The following KLB variants were observed in gnomAD, a reference collection of about 807,000 sequenced individuals.
KLB encodes beta-klotho.
In KLB, 44 loss-of-function variants were observed where a neutral mutation model predicts 88.4. The observed-to-expected ratio is 0.50, with a 90% CI of 0.39 to 0.64. The LOEUF (loss-of-function observed/expected upper bound fraction) is 0.64, where lower values mean the gene tolerates loss of function less well. Among genes scored for constraint, KLB ranks in the 30% least tolerant of loss-of-function variants. KLB has a pLI of 0.00. For missense variants in KLB, 1,137 were observed against 1,304.8 expected (o/e 0.87, Z 1.98); for synonymous variants, 548 against 513.4 (o/e 1.07, Z -0.91).
chr4:39,425,732 A>G (rs892201277), intron 1 of KLB, among the ~76,000 whole-genome samples: 4 of 152,054 alleles, frequency 2.6e-5, no homozygotes, highest in African/African-American at 9.7e-5. Context: ...ATGAGCCACC[A>G]CATCTGGCCA....
rs1742759372 is a variant in KLB at position 39,407,615 on chromosome 4, C to T, written c.666C>T (p.Ala222=). 1 of 1,613,904 alleles carries T rather than the reference C, an allele frequency of 6.2e-7. No individual in the cohort carries two copies. The highest frequency in any genetic ancestry group is 8.5e-7 in the Non-Finnish European group (1 of 1,179,978). The part of the protein sequence containing the change: ...DTIIDIFNDY[A]TYCFQMFGDR... ...TAATAGATATCTTCAATGACTATGC[C>T]ACATACTGTTTCCAGATGTTTGGGG... Residue 222 remains alanine (A), a synonymous_variant, in exon 1 of 5, where the codon GCC becomes GCT. Coordinates refer to ENST00000257408, the MANE Select transcript of KLB (RefSeq NM_175737.4).
chr4:39,431,294 A>G (rs1267156951), intron 1 of KLB, among the ~76,000 whole-genome samples: 1 of 151,506 alleles, frequency 6.6e-6, no homozygotes, highest in Non-Finnish European at 1.5e-5. Flanking sequence ...CCTAGGCTGG[A>G]GTGCAATGTC....
At chr4:39,436,131 A>G (rs542251780) in intron 2 of KLB, among the ~76,000 whole-genome samples, 3 of 152,172 alleles carry the variant, frequency 2.0e-5, no homozygotes, top group Non-Finnish European at 4.4e-5. Context: ...TGAGGTTACG[A>G]TGGTTCTGTT....
Position 39,451,114 on chromosome 4 carries a change from G to T in KLB, c.*2428G>T, listed in dbSNP as rs534158697. ...TGAGAGTCCTCCTTCTCTGCCACTT[G>T]GGCATTATTTTACTAGTTTTTAAGC... On this transcript the variant is annotated 3_prime_UTR_variant, in exon 5 of 5. Coordinates refer to ENST00000257408, the MANE Select transcript of KLB (RefSeq NM_175737.4). The T allele has an allele frequency of 1.6e-3, 236 of 152,178 alleles. 2 individuals are homozygous for T. The highest frequency in any genetic ancestry group is 5.1e-3 in the African/African-American group (210 of 41,528). The allele number at this position is 152,178 out of a possible 1,614,324, so 9.4% of individuals were successfully genotyped here.
chr4:39,439,326 A>G (rs1322417614), intron 3 of KLB, among the ~76,000 whole-genome samples: 1 of 151,988 alleles, frequency 6.6e-6, no homozygotes, highest in African/African-American at 2.4e-5. Context: ...CTCATCTTAC[A>G]GGCAAGGCAA....
rs956679344 is a variant in KLB at position 39,429,939 on chromosome 4, T to C, written c.826-4271T>C. The stretch of plus-strand genomic sequence containing the variant: ...AGCCCAGAGCAAAGATAACCCTAGA[T>C]ACCTTGATAGCCTAGGCAAATAGCA... On this transcript the variant is annotated intron_variant, in intron 1 of 4. Transcript: ENST00000257408. Among the ~76,000 whole-genome samples, 4 of 152,276 alleles carry C rather than the reference T, an allele frequency of 2.6e-5. No individual in the cohort carries two copies. In the East Asian group the frequency reaches 7.7e-4, roughly 29 times the overall value.
chr4:39,416,412 C>T (rs1742965462), intron 1 of KLB, among the ~76,000 whole-genome samples: 2 of 151,996 alleles, frequency 1.3e-5, no homozygotes. Flanking sequence ...CTAAAAAAAA[C>T]TTTTTTTAAA....
At position 39,447,284 on chromosome 4, in the gene KLB, T is replaced by A. The variant is rs202129063; in HGVS notation, c.2558T>A (p.Ile853Asn). Reference protein sequence around the residue: ...SDRDIQFLQDITRLSSPTRLA... With the variant: ...SDRDIQFLQDNTRLSSPTRLA... ...AGGGACATCCAGTTTCTGCAGGACATCACCCGCCTGAGCTCCCCCACGCGC... is the reference window on the plus strand; with the variant it reads ...AGGGACATCCAGTTTCTGCAGGACAACACCCGCCTGAGCTCCCCCACGCGC... Residue 853 changes from isoleucine to asparagine, a missense_variant, in exon 4 of 5, where the codon ATC becomes AAC. By Grantham distance (149) the Ile-to-Asn change is moderately radical (BLOSUM62 -3). Transcript: ENST00000257408. 1 of 1,614,042 alleles carries A rather than the reference T, an allele frequency of 6.2e-7. No homozygotes were observed. Among genetic ancestry groups the A allele is most frequent in the African/African-American group, 1.3e-5 (1 of 75,046 alleles).
At chr4:39,431,307 G>A (rs987260879) in intron 1 of KLB, among the ~76,000 whole-genome samples, 7 of 151,162 alleles carry the variant, frequency 4.6e-5, no homozygotes, top group Admixed American at 2.0e-4. Context: ...GCAATGTCAC[G>A]ATCTCAGCTC....
chr4:39,420,109 G>A (rs573255212), intron 1 of KLB, among the ~76,000 whole-genome samples: 8 of 152,186 alleles, frequency 5.3e-5, no homozygotes, highest in African/African-American at 1.9e-4. Context: ...AGTAATTAAA[G>A]TAATCCTTGG....
intron 3 of KLB, chr4:39,441,529 C>T (rs1208310184): frequency 6.6e-6 from 1 of 152,132 alleles, no homozygotes; most frequent in Non-Finnish European, 1.5e-5. Context: ...GCCCCTTCTA[C>T]ATTTCAGAGC....
chr4:39,434,000 C>T lies in KLB; in HGVS notation c.826-210C>T, dbSNP rs149700552. On this transcript the variant is annotated intron_variant, in intron 1 of 4. Transcript: ENST00000257408. ...ATAAGAGCCTAGACTAGGCTTTCTG[C>T]CAGCCTCCAGCTCTCCTGTAGCAGA... Among the ~76,000 whole-genome samples, 19 of 152,298 alleles carry T rather than the reference C, an allele frequency of 1.2e-4. 1 individual carries two copies. In the East Asian group the frequency reaches 2.3e-3, roughly 19 times the overall value.
At position 39,448,742 on chromosome 4, in the gene KLB, G is replaced by A; in HGVS notation, c.*56G>A. On this transcript the variant is annotated 3_prime_UTR_variant, in exon 5 of 5. Transcript: ENST00000257408. ...AAATTCATCCCAGTTCCATATGCTG[G>A]TAACTTACAGGAGATATACCTGTAT... 6.7e-7 allele frequency: 1 copy of A among 1,498,842 alleles called. No individual in the cohort carries two copies. Among genetic ancestry groups the A allele is most frequent in the Admixed American group, 1.9e-5 (1 of 52,992 alleles). 92.8% of individuals were successfully genotyped at this position (1,498,842 alleles called of 1,614,324 possible).
intron 1 of KLB, among the ~76,000 whole-genome samples, chr4:39,415,132 C>T (rs111265080): frequency 6.0e-4 from 91 of 152,040 alleles, no homozygotes; most frequent in African/African-American, 2.0e-3. Flanking sequence ...AGGCTGGTCT[C>T]GAACTCTGGG....
rs982591479 is a variant in KLB at position 39,450,904 on chromosome 4, G to C, written c.*2218G>C. On this transcript the variant is annotated 3_prime_UTR_variant, in exon 5 of 5. Transcript: ENST00000257408. ...TAGCCACAGGAATAACAAAAACCTG[G>C]AATTTATCTTTCAGGTTTTGCTTTC... The C allele has an allele frequency of 6.7e-6, 1 of 149,488 alleles. No homozygotes were observed. Among genetic ancestry groups the C allele is most frequent in the African/African-American group, 2.4e-5 (1 of 40,832 alleles). 9.3% of individuals were successfully genotyped at this position (149,488 alleles called of 1,614,324 possible).
intron 3 of KLB, chr4:39,441,807 T>TAAATAAATAAAG (rs1188575349): frequency 1.8e-4 from 27 of 148,598 alleles, no homozygotes; most frequent in African/African-American, 5.9e-4. Context: ...AATAAATAAA[T>TAAATAAATAAAG]AAAGATGAAT....
intron 1 of KLB, among the ~76,000 whole-genome samples, chr4:39,409,048 A>G (rs908804588): frequency 7.9e-5 from 12 of 151,668 alleles, no homozygotes; most frequent in African/African-American, 2.9e-4. Context: ...CTGGATTATT[A>G]CACATGTGCA....
intron 1 of KLB, among the ~76,000 whole-genome samples, chr4:39,432,433 G>T (rs2109834078): frequency 6.6e-6 from 1 of 152,308 alleles, no homozygotes; most frequent in South Asian, 2.1e-4. Flanking sequence ...CACAGAAGTG[G>T]CCTTGGCATT....
At chr4:39,439,920 G>A (rs1320081662) in intron 3 of KLB, among the ~76,000 whole-genome samples, 7 of 151,382 alleles carry the variant, frequency 4.6e-5, no homozygotes, top group Non-Finnish European at 8.8e-5. Flanking sequence ...CACCCACCCC[G>A]GCCTCCCAAA....
Sources: allele counts gnomAD v4.1 joint callset (sites outside exome capture counted in the v4.1 genomes callset), GRCh38; gene constraint gnomAD v4.1.1; transcripts MANE v1.5; gene names NCBI Gene and HGNC (gene_info 2026-07-23, HGNC 2026-07-21).